Variants in KCTD10 observed in about 807,000 individuals in gnomAD.
The protein encoded by KCTD10 is BTB/POZ domain-containing adapter for CUL3-mediated RhoA degradation protein 3.
KCTD10 carries 13 observed loss-of-function variants against 34.6 expected under a neutral mutation model. The observed-to-expected ratio is 0.38, with a 90% CI of 0.24 to 0.60. The LOEUF is 0.60. Ranked by LOEUF, KCTD10 falls within the 20% of genes least tolerant of loss-of-function variation. The pLI, the probability that KCTD10 is intolerant of heterozygous loss-of-function variation, is 0.66. For synonymous variants in KCTD10, 156 were observed against 168.8 expected (o/e 0.92, Z 0.59); for missense variants, 256 against 420.3 (o/e 0.61, Z 3.42).
In KCTD10 at chr12:109,457,994, T is replaced by C. The variant is rs1221121200; in HGVS notation, c.472A>G (p.Lys158Glu). ...CCACAAGGGTGCCTCCAACATACCT[T>C]ATTTGAAGTCGCTATAAGTTTTTGT... is the stretch of plus-strand genomic sequence containing the variant. ...EEQKLIATSN[K>E]PAVKLLYNRS... The change falls in exon 4 of 7, where the codon AAG becomes GAG. Residue 158 changes from lysine to glutamate, a missense_variant and splice_region_variant. Coordinates refer to ENST00000228495, the MANE Select transcript of KCTD10 (RefSeq NM_031954.5). The C allele has an allele frequency of 6.2e-7, 1 of 1,612,440 alleles. No individual in the cohort carries two copies.
intron 6 of KCTD10, among the ~76,000 whole-genome samples, chr12:109,453,459 G>C (rs1349956696): frequency 1.8e-4 from 27 of 152,188 alleles, no homozygotes; most frequent in Admixed American, 1.8e-3. Context: ...CTCCCAAAGT[G>C]CGGGATTACA....
At chr12:109,469,236 G>C (rs1873752494) in intron 2 of KCTD10, 1 of 381,704 alleles carries the variant, frequency 2.6e-6, no homozygotes. Context: ...CATCTTGGGA[G>C]GACAAGGGTC....
rs578101080 is a variant in KCTD10, at chr12:109,451,889, C to T, written c.724-76G>A. 60 of 1,272,644 alleles carry T rather than the reference C, an allele frequency of 4.7e-5. No homozygotes were observed. Among genetic ancestry groups the T allele is most frequent in the Non-Finnish European group, 6.1e-5 (57 of 933,738 alleles). The allele number at this position is 1,272,644 out of a possible 1,614,324, so 78.8% of individuals were successfully genotyped here. A position where few individuals can be genotyped will look rare whatever the true frequency, so the allele number is the denominator to read the frequency against. The stretch of plus-strand genomic sequence containing the variant: ...CCAACACCTGGACTTTAAGCAGGGC[C>T]GCCAGGCTAAATCAGGCCCCTGGGA... On this transcript the variant is annotated intron_variant, in intron 6 of 6. Coordinates refer to ENST00000228495, the MANE Select transcript of KCTD10 (RefSeq NM_031954.5). This position sits in a 1 kb window ranked among gnomAD's most constrained non-coding sequence, Gnocchi z 5.0.
chr12:109,458,115 T>A, intron 3 of KCTD10, 37 bp from the exon 4 acceptor site: 1 of 1,526,914 alleles, frequency 6.5e-7, no homozygotes, highest in East Asian at 2.3e-5. Flanking sequence ...CTAGGAGGCC[T>A]GCCTAGCACT....
chr12:109,458,295 T>C (rs993765966), intron 3 of KCTD10: 2 of 544,264 alleles, frequency 3.7e-6, no homozygotes, highest in African/African-American at 3.8e-5. Context: ...GCCAGGATGC[T>C]GAGTAAGTAC....
rs1872705105 is a variant in KCTD10 at position 109,450,309 on chromosome 12, C to T, written c.*1286G>A. Reference sequence around the variant, plus strand: ...AGCCTGGGAGGTAGGTCACTGAGAACACCCGTCCTACATAGGCGCTGCGCC... The same window carrying T: ...AGCCTGGGAGGTAGGTCACTGAGAATACCCGTCCTACATAGGCGCTGCGCC... On this transcript the variant is annotated 3_prime_UTR_variant, in exon 7 of 7. Transcript: ENST00000228495. 2.5e-6 allele frequency: 1 copy of T among 398,274 alleles called. No individual in the cohort carries two copies. Among genetic ancestry groups the T allele is most frequent in the Non-Finnish European group, 4.4e-6 (1 of 226,126 alleles). 24.7% of individuals were successfully genotyped at this position (398,274 alleles called of 1,614,324 possible). A position where few individuals can be genotyped will look rare whatever the true frequency, so the allele number is the denominator to read the frequency against.
At chr12:109,454,864 T>G (rs1872942945) in intron 6 of KCTD10, among the ~76,000 whole-genome samples, 1 of 152,246 alleles carries the variant, frequency 6.6e-6, no homozygotes, top group Admixed American at 6.5e-5. Context: ...CCATGTGGTC[T>G]CTAAATCCCC....
At chr12:109,469,266 TC>T (rs1279063649) in intron 2 of KCTD10, 9 of 514,132 alleles carry the variant, frequency 1.8e-5, no homozygotes, top group Non-Finnish European at 3.1e-5. Context: ...TACCTCTCTC[TC>T]CCCCAGGCTT....
chr12:109,458,364 G>A (rs1325932126), intron 3 of KCTD10: 5 of 303,810 alleles, frequency 1.6e-5, no homozygotes, highest in African/African-American at 8.7e-5. Context: ...AACCCTTGAC[G>A]TGGCAGCAGA....
intron 1 of KCTD10, among the ~76,000 whole-genome samples, chr12:109,472,283 TTC>T (rs767158891): frequency 1.2e-4 from 18 of 152,316 alleles, no homozygotes; most frequent in Non-Finnish European, 1.2e-4. Context: ...ATAAGCTTTT[TTC>T]TCTTTTTTTA....
At chr12:109,452,164 G>A (rs767302589) in intron 6 of KCTD10, among the ~76,000 whole-genome samples, 16 of 152,190 alleles carry the variant, frequency 1.1e-4, no homozygotes, top group Non-Finnish European at 1.8e-4. Flanking sequence ...CCACCACACA[G>A]AGTTGTACAT....
At position 109,469,498 on chromosome 12, in the gene KCTD10, A is replaced by T. The variant is rs7969313; in HGVS notation, c.217+17T>A. On this transcript the variant is annotated intron_variant, in intron 2 of 6. Coordinates refer to ENST00000228495, the MANE Select transcript of KCTD10 (RefSeq NM_031954.5). ...ATAACGCATGGCCAGAGGCAGGCAC[A>T]TGGTGGGTGAGCTTACCTTCACTGT... is the stretch of plus-strand genomic sequence containing the variant. 1 of 1,612,224 alleles carries T rather than the reference A, an allele frequency of 6.2e-7. No homozygotes were observed. The highest frequency in any genetic ancestry group is 8.5e-7 in the Non-Finnish European group (1 of 1,178,946).
At chr12:109,453,461 G>A (rs373984653) in intron 6 of KCTD10, among the ~76,000 whole-genome samples, 10 of 152,132 alleles carry the variant, frequency 6.6e-5, no homozygotes, top group African/African-American at 1.2e-4. Flanking sequence ...CCCAAAGTGC[G>A]GGATTACAGG....
At chr12:109,455,459 C>T (rs1480437348) in intron 6 of KCTD10, 1 of 151,818 alleles carries the variant, frequency 6.6e-6, no homozygotes, top group Non-Finnish European at 1.5e-5. Context: ...GCTTTTTGTT[C>T]GAGGTCAGCT....
chr12:109,476,476 G>A (rs1452643532), intron 1 of KCTD10, among the ~76,000 whole-genome samples: 1 of 152,080 alleles, frequency 6.6e-6, no homozygotes, highest in African/African-American at 2.4e-5. Flanking sequence ...AGACCCTTGA[G>A]GATCCCAAGC....
chr12:109,476,609 G>A (rs1380753620), intron 1 of KCTD10, among the ~76,000 whole-genome samples: 2 of 152,082 alleles, frequency 1.3e-5, no homozygotes, highest in East Asian at 1.9e-4. Context: ...ACTGAACTCC[G>A]TGGCGCAGGT....
rs191124339 is a variant in KCTD10 at position 109,466,333 on chromosome 12, C to A, written c.217+3182G>T. On this transcript the variant is annotated intron_variant, in intron 2 of 6. Coordinates refer to ENST00000228495, the MANE Select transcript of KCTD10 (RefSeq NM_031954.5). ...CCCATTTACTGAGTTCTCCCAACAT[C>A]TCAGGCCCTGTGGCAAGCGCTTTCT... Among the ~76,000 whole-genome samples the A allele has an allele frequency of 1.6e-4, 24 of 152,348 alleles. 1 individual carries two copies. The East Asian group carries it at 4.6e-3, about 29-fold the overall frequency.
At chr12:109,467,798 A>T (rs569656581) in intron 2 of KCTD10, among the ~76,000 whole-genome samples, 1 of 151,990 alleles carries the variant, frequency 6.6e-6, no homozygotes, top group African/African-American at 2.4e-5. Flanking sequence ...AACATCTCAT[A>T]GCAGGGATTT....
At chr12:109,455,041 G>GAA (rs111648092) in intron 6 of KCTD10, among the ~76,000 whole-genome samples, 3 of 140,564 alleles carry the variant, frequency 2.1e-5, no homozygotes, top group South Asian at 2.3e-4. Context: ...TCACAGCCCT[G>GAA]AAAAAAAAAA....
Sources: gnomAD v4.1 joint callset for allele counts (sites outside exome capture counted in the v4.1 genomes callset) on GRCh38, gnomAD v4.1.1 for gene constraint, Gnocchi (gnomAD v3.1) non-coding constraint, MANE v1.5 for transcripts, NCBI Gene and HGNC (gene_info 2026-07-23, HGNC 2026-07-21) for gene names.